C8orf34: variants seen among roughly 807,000 people sequenced by gnomAD.
C8orf34 encodes uncharacterized protein C8orf34.
In C8orf34, 65 loss-of-function variants were observed where a neutral mutation model predicts 68.3. The observed-to-expected ratio is 0.95, with a 90% CI of 0.78 to 1.17. The LOEUF (loss-of-function observed/expected upper bound fraction) is 1.17, where lower values mean the gene tolerates loss of function less well. Among genes scored for constraint, C8orf34 ranks in the 50% most tolerant of loss-of-function variants. C8orf34 has a pLI of 0.00. For missense variants in C8orf34, 664 were observed against 655.4 expected (o/e 1.01, Z -0.14); for synonymous variants, 244 against 241.2 (o/e 1.01, Z -0.11).
chr8:68,349,066 C>T lies in C8orf34; in HGVS notation c.327+17727C>T, dbSNP rs190620243. ...TGACAGTTTTAAAGGTGGATGCTTCCAGATTTTGCCCAGTCAGTATAATGT... is the reference window on the plus strand; with the variant it reads ...TGACAGTTTTAAAGGTGGATGCTTCTAGATTTTGCCCAGTCAGTATAATGT... On this transcript the variant is annotated intron_variant, in intron 1 of 13. Coordinates refer to ENST00000518698, the MANE Select transcript of C8orf34 (RefSeq NM_052958.4). 4.7e-3 allele frequency among the ~76,000 whole-genome samples: 709 copies of T among 152,046 alleles called. 4 individuals carry two copies. Among genetic ancestry groups the T allele is most frequent in the African/African-American group, 0.016 (672 of 41,484 alleles).
intron 10 of C8orf34, among the ~76,000 whole-genome samples, chr8:68,722,305 C>A (rs1012122726): frequency 6.6e-6 from 1 of 151,978 alleles, no homozygotes; most frequent in Admixed American, 6.6e-5. Flanking sequence ...ATGAGGGACT[C>A]CCTAATAACC....
Position 68,722,107 on chromosome 8 carries a change from C to T in C8orf34, c.1404+670C>T, listed in dbSNP as rs1052222343. 2.0e-5 allele frequency among the ~76,000 whole-genome samples: 3 copies of T among 151,988 alleles called. No individual in the cohort carries two copies. The South Asian group carries it at 6.2e-4, about 32-fold the overall frequency. On this transcript the variant is annotated intron_variant, in intron 10 of 13. Coordinates refer to ENST00000518698, the MANE Select transcript of C8orf34 (RefSeq NM_052958.4). Reference sequence around the variant, plus strand: ...AGCTTAAATAACAAAAAGTTATTTTCTCAAAGTTGTGGAGGCAGAAATCAA... The same window carrying T: ...AGCTTAAATAACAAAAAGTTATTTTTTCAAAGTTGTGGAGGCAGAAATCAA...
At chr8:68,336,345 C>T (rs1259175416) in intron 1 of C8orf34, among the ~76,000 whole-genome samples, 3 of 151,974 alleles carry the variant, frequency 2.0e-5, no homozygotes, top group Admixed American at 2.0e-4. Context: ...GGGCAGTGGC[C>T]TGGCAGGGTC....
At chr8:68,473,785 A>G (rs1812481783) in intron 4 of C8orf34, among the ~76,000 whole-genome samples, 1 of 152,100 alleles carries the variant, frequency 6.6e-6, no homozygotes, top group African/African-American at 2.4e-5. Flanking sequence ...ATACTTCTGA[A>G]ACTTATCTCA....
rs116124581 is a variant in C8orf34, at chr8:68,695,259, G to C, written c.1242-13735G>C. Among the ~76,000 whole-genome samples the C allele has an allele frequency of 7.6e-3, 1,154 of 151,082 alleles. 20 individuals are homozygous for C. The highest frequency in any genetic ancestry group is 0.027 in the African/African-American group (1,093 of 41,098). ...CCTCCTGGATTCAACCGATTCTCCT[G>C]CCTCAACCTACCCGAGTAGCTGGGA... On this transcript the variant is annotated intron_variant, in intron 8 of 13. Coordinates refer to ENST00000518698, the MANE Select transcript of C8orf34 (RefSeq NM_052958.4).
intron 3 of C8orf34, among the ~76,000 whole-genome samples, chr8:68,459,968 G>A (rs889523069): frequency 6.6e-6 from 1 of 152,140 alleles, no homozygotes; most frequent in Admixed American, 6.5e-5. Context: ...CACTATGCGC[G>A]AGCCGAAGCA....
chr8:68,657,007 AT>A (rs1013713204), intron 8 of C8orf34, among the ~76,000 whole-genome samples: 2 of 152,266 alleles, frequency 1.3e-5, no homozygotes, highest in South Asian at 4.1e-4. Flanking sequence ...GTCCTGATGT[AT>A]TTTTATTTTT....
chr8:68,489,492 AC>A (rs895707985), intron 5 of C8orf34, among the ~76,000 whole-genome samples: 1 of 152,224 alleles, frequency 6.6e-6, no homozygotes, highest in African/African-American at 2.4e-5. Context: ...AAAGTCTAAA[AC>A]AAAATTCATT....
chr8:68,509,829 C>A (rs571848648), intron 5 of C8orf34, among the ~76,000 whole-genome samples: 1 of 152,126 alleles, frequency 6.6e-6, no homozygotes, highest in African/African-American at 2.4e-5. Flanking sequence ...GAGACCATGG[C>A]AGATGCTGTC....
intron 8 of C8orf34, among the ~76,000 whole-genome samples, chr8:68,676,395 G>A (rs1254669919): frequency 2.6e-5 from 4 of 151,922 alleles, no homozygotes; most frequent in Non-Finnish European, 5.9e-5. Flanking sequence ...AATTATTAGA[G>A]CTAAATAAAG....
chr8:68,452,608 G>A (rs1259506303), intron 3 of C8orf34, among the ~76,000 whole-genome samples: 4 of 149,496 alleles, frequency 2.7e-5, no homozygotes, highest in African/African-American at 9.9e-5. Flanking sequence ...CATTTTTAAG[G>A]GGGTTGTTAC....
At chr8:68,450,100 A>G (rs1324257314) in intron 3 of C8orf34, among the ~76,000 whole-genome samples, 1 of 152,166 alleles carries the variant, frequency 6.6e-6, no homozygotes, top group Non-Finnish European at 1.5e-5. Flanking sequence ...TATTCACAAC[A>G]TCTTCACCTA....
intron 12 of C8orf34, among the ~76,000 whole-genome samples, chr8:68,806,305 C>T (rs1824482425): frequency 6.6e-6 from 1 of 151,638 alleles, no homozygotes; most frequent in African/African-American, 2.4e-5. Flanking sequence ...ATTGGATCAC[C>T]TTTCTTCTGC....
At chr8:68,549,323 A>G (rs901888691) in intron 7 of C8orf34, among the ~76,000 whole-genome samples, 1 of 151,880 alleles carries the variant, frequency 6.6e-6, no homozygotes, top group African/African-American at 2.4e-5. Flanking sequence ...ATGTTTGTTC[A>G]CAAAGGAAAC....
intron 7 of C8orf34, among the ~76,000 whole-genome samples, chr8:68,606,811 T>G (rs1346260088): frequency 6.6e-6 from 1 of 152,144 alleles, no homozygotes; most frequent in African/African-American, 2.4e-5. Flanking sequence ...AAAAATTCTC[T>G]GGTACCATAG....
chr8:68,342,641 C>T (rs1585947837), intron 1 of C8orf34, among the ~76,000 whole-genome samples: 1 of 152,176 alleles, frequency 6.6e-6, no homozygotes, highest in African/African-American at 2.4e-5. Context: ...CCCTGTCCCA[C>T]TCGATTTGGG....
chr8:68,480,903 A>G (rs181512163), intron 4 of C8orf34, among the ~76,000 whole-genome samples: 3 of 152,300 alleles, frequency 2.0e-5, no homozygotes, highest in African/African-American at 7.2e-5. Context: ...TGACTTTGCA[A>G]TAGAAAAGAA....
Position 68,815,947 on chromosome 8 carries a change from T to G in C8orf34, c.1609+2T>G. 1 of 1,613,766 alleles carries G rather than the reference T, an allele frequency of 6.2e-7. No individual in the cohort carries two copies. Among genetic ancestry groups the G allele is most frequent in the Non-Finnish European group, 8.5e-7 (1 of 1,179,730 alleles). On this transcript the variant is annotated splice_donor_variant, in intron 13 of 13. Coordinates refer to ENST00000518698, the MANE Select transcript of C8orf34 (RefSeq NM_052958.4). LOFTEE classifies it high-confidence loss of function. ...CTTGTCCTACGCTGGTCTACTCTGG[T>G]ATGTTTGCTCAGGGCACTTAATATC... is the stretch of plus-strand genomic sequence containing the variant.
At chr8:68,330,935 C>A (rs76049615), upstream of C8orf34, 78 of 1,158,146 alleles carry the variant, frequency 6.7e-5, 1 homozygote, top group Non-Finnish European at 8.6e-5. Flanking sequence ...GAGAAAGGAA[C>A]CTCTGCCTCG....
Sources: allele counts gnomAD v4.1 joint callset (sites outside exome capture counted in the v4.1 genomes callset), GRCh38; gene constraint gnomAD v4.1.1; transcripts MANE v1.5; gene names NCBI Gene and HGNC (gene_info 2026-07-23, HGNC 2026-07-21).